Variants in CCNE1 observed in about 807,000 individuals in gnomAD.
The protein encoded by CCNE1 is G1/S-specific cyclin-E1.
Under a neutral mutation model 54.1 loss-of-function variants are expected in CCNE1, and 8 were observed. That is an observed-to-expected ratio of 0.15 (90% confidence interval 0.09 to 0.27). The LOEUF is 0.27. Ranked by LOEUF, CCNE1 falls within the 10% of genes least tolerant of loss-of-function variation. The pLI, the probability that CCNE1 is intolerant of heterozygous loss-of-function variation, is 1.00. For synonymous variants in CCNE1, 179 were observed against 185.2 expected (o/e 0.97, Z 0.27); for missense variants, 430 against 514.9 (o/e 0.84, Z 1.60).
chr19:29,819,395 A>G (rs3218051), intron 6 of CCNE1, among the ~76,000 whole-genome samples: 105,828 of 151,502 alleles, frequency 0.7, 37,018 homozygotes, highest in East Asian at 0.75. Context: ...CAGTCCTCCC[A>G]CCTCAGCCTC....
chr19:29,822,311 G>C lies in CCNE1; in HGVS notation c.912G>C (p.Leu304Phe). The C allele has an allele frequency of 6.2e-7, 1 of 1,614,164 alleles. No homozygotes were observed. ...FPYGILAASA[L>F]YHFSSSELMQ... ...ATGGTATACTTGCTGCTTCGGCCTT[G>C]TATCATTTCTCGTCATCTGAATTGA... Residue 304 changes from leucine to phenylalanine, a missense_variant, in exon 10 of 12, where the codon TTG becomes TTC. Leu to Phe is a conservative substitution (Grantham distance 22). Coordinates refer to ENST00000262643, the MANE Select transcript of CCNE1 (RefSeq NM_001238.4).
At position 29,823,808 on chromosome 19, in the gene CCNE1, G is replaced by A; in HGVS notation, c.*31G>A. On this transcript the variant is annotated 3_prime_UTR_variant, in exon 12 of 12. Transcript: ENST00000262643. ...CCATCCTTCTCCACCAAAGACAGTT[G>A]CGCGCCTGCTCCACGTTCTCTTCTG... is the stretch of plus-strand genomic sequence containing the variant. The A allele has an allele frequency of 6.3e-7, 1 of 1,585,270 alleles. No individual in the cohort carries two copies. The highest frequency in any genetic ancestry group is 1.8e-5 in the Admixed American group (1 of 56,024).
rs751912099 is a variant in CCNE1, at chr19:29,822,459, C to T, written c.966C>T (p.Cys322=). The T allele has an allele frequency of 1.5e-5, 25 of 1,613,692 alleles. No homozygotes were observed. The highest frequency in any genetic ancestry group is 8.0e-5 in the African/African-American group (6 of 74,864). The change falls in exon 11 of 12, where the codon TGC becomes TGT. Residue 322 remains cysteine (C), a synonymous_variant. Coordinates refer to ENST00000262643, the MANE Select transcript of CCNE1 (RefSeq NM_001238.4). ...LMQKVSGYQW[C]DIENCVKWMV... ...TCTTCACTGCAGGGTATCAGTGGTG[C>T]GACATAGAGAACTGTGTCAAGTGGA...
chr19:29,815,505 TGTG>T (rs1249771783), intron 4 of CCNE1, among the ~76,000 whole-genome samples: 4 of 152,188 alleles, frequency 2.6e-5, no homozygotes, highest in African/African-American at 7.2e-5. Flanking sequence ...GCCAATGTGT[TGTG>T]GTCGCCACCA....
intron 11 of CCNE1, among the ~76,000 whole-genome samples, chr19:29,823,062 T>C (rs760599575): frequency 6.6e-6 from 1 of 151,910 alleles, no homozygotes; most frequent in Non-Finnish European, 1.5e-5. Flanking sequence ...ATTGATGCTG[T>C]ATCTCACTAT....
At position 29,821,754 on chromosome 19, in the gene CCNE1, G is replaced by A. The variant is rs137868979; in HGVS notation, c.642G>A (p.Ala214=). ...EIYPPKLHQF[A]YVTDGACSGD... ...ATCCTCCAAAGTTGCACCAGTTTGC[G>A]TATGTGACAGATGGAGCTTGTTCAG... The change falls in exon 8 of 12, where the codon GCG becomes GCA. Residue 214 remains alanine (A), a synonymous_variant. Transcript: ENST00000262643. The A allele has an allele frequency of 2.6e-4, 412 of 1,612,658 alleles. No individual in the cohort carries two copies. Among genetic ancestry groups the A allele is most frequent in the Non-Finnish European group, 3.3e-4 (387 of 1,178,924 alleles).
At chr19:29,815,404 T>G (rs1426798433) in intron 4 of CCNE1, among the ~76,000 whole-genome samples, 4 of 152,188 alleles carry the variant, frequency 2.6e-5, no homozygotes, top group Non-Finnish European at 5.9e-5. Context: ...ATGGATAATT[T>G]GCATGCCCAA....
At chr19:29,822,382 A>G (rs1974171556) in intron 10 of CCNE1, 31 bp downstream of exon 10, 8 of 1,613,714 alleles carry the variant, frequency 5.0e-6, no homozygotes, top group African/African-American at 1.3e-5. Flanking sequence ...ATGCACAAAC[A>G]AGGTGTACTA....
intron 6 of CCNE1, among the ~76,000 whole-genome samples, chr19:29,819,589 T>C (rs1974104108): frequency 6.6e-6 from 1 of 152,222 alleles, no homozygotes; most frequent in Admixed American, 6.5e-5. Context: ...ACTCAAATCT[T>C]TTCTTGGTCC....
At chr19:29,816,267 TCAAA>T (rs1206939790) in intron 4 of CCNE1, among the ~76,000 whole-genome samples, 1 of 151,832 alleles carries the variant, frequency 6.6e-6, no homozygotes, top group African/African-American at 2.4e-5. Context: ...ACTTTAAAAA[TCAAA>T]CAGACTTCTT....
chr19:29,820,589 T>G, intron 6 of CCNE1, 113 bp from the exon 7 acceptor site: 1 of 760,410 alleles, frequency 1.3e-6, no homozygotes, highest in African/African-American at 1.8e-5. Context: ...ATTGTTGAGT[T>G]CAGGAACTTT....
At chr19:29,822,662 G>C in intron 11 of CCNE1, 59 bp downstream of exon 11, 2 of 1,537,298 alleles carry the variant, frequency 1.3e-6, no homozygotes, top group South Asian at 1.2e-5. Flanking sequence ...TGCCTAAATA[G>C]GCCAGCCGCG....
rs1299928139 is a variant in CCNE1, at chr19:29,822,015, G to A, written c.725G>A (p.Ser242Asn). Residue 242 changes from serine to asparagine, a missense_variant, in exon 9 of 12, where the codon AGT becomes AAT. Transcript: ENST00000262643. ...MIMKALKWRL[S>N]PLTIVSWLNV... ...CTTTAGGCCCTTAAGTGGCGTTTAA[G>A]TCCCCTGACTATTGTGTCCTGGCTG... 1.2e-6 allele frequency: 2 copies of A among 1,611,300 alleles called. No homozygotes were observed. The highest frequency in any genetic ancestry group is 2.7e-5 in the African/African-American group (2 of 74,726).
chr19:29,812,381 C>A (rs1348345832), intron 1 of CCNE1, among the ~76,000 whole-genome samples, 151 bp from the exon 2 acceptor site: 2 of 147,882 alleles, frequency 1.4e-5, no homozygotes, highest in Admixed American at 1.3e-4. Context: ...GACCCCGGGT[C>A]GGGGGTCGGC....
At chr19:29,815,985 T>C (rs373691576) in intron 4 of CCNE1, among the ~76,000 whole-genome samples, 201 of 151,648 alleles carry the variant, frequency 1.3e-3, no homozygotes, top group African/African-American at 4.3e-3. Flanking sequence ...CAAAACCCCA[T>C]CTCTACAAAA....
At chr19:29,818,377 G>T (rs1417803788) in intron 6 of CCNE1, among the ~76,000 whole-genome samples, 2 of 152,104 alleles carry the variant, frequency 1.3e-5, no homozygotes, top group East Asian at 3.9e-4. Context: ...GGCCAGGCTG[G>T]TCTTGAACTC....
At chr19:29,821,257 C>T (rs3218061) in intron 7 of CCNE1, among the ~76,000 whole-genome samples, 2,693 of 152,102 alleles carry the variant, frequency 0.018, 57 homozygotes, top group African/African-American at 0.052. Context: ...CGTGGTGGCA[C>T]GTGCCTGTAA....
At chr19:29,820,997 G>GA in intron 7 of CCNE1, 149 bp downstream of exon 7, 1 of 588,908 alleles carries the variant, frequency 1.7e-6, no homozygotes, top group Non-Finnish European at 2.9e-6. Flanking sequence ...ATGCCAAAAA[G>GA]AAAAAAAGGC....
chr19:29,813,088 C>A, intron 4 of CCNE1, 51 bp downstream of exon 4: 1 of 1,516,472 alleles, frequency 6.6e-7, no homozygotes, highest in South Asian at 1.1e-5. Context: ...CCCCCTGGGT[C>A]ACATGGGGTT....
Sources: allele counts gnomAD v4.1 joint callset (sites outside exome capture counted in the v4.1 genomes callset), GRCh38; gene constraint gnomAD v4.1.1; transcripts MANE v1.5; gene names NCBI Gene and HGNC (gene_info 2026-07-23, HGNC 2026-07-21).